HSD17B12: variants seen among roughly 807,000 people sequenced by gnomAD.
HSD17B12 encodes the protein very-long-chain 3-oxoacyl-CoA reductase.
In HSD17B12, 32 loss-of-function variants were observed where a neutral mutation model predicts 39.3. The ratio of observed to expected loss-of-function variants is 0.81; its 90% CI spans 0.61 to 1.09. The LOEUF is 1.09. Ranked by LOEUF, HSD17B12 falls within the 50% of genes least tolerant of loss-of-function variation. HSD17B12 has a pLI of 0.00. For synonymous variants in HSD17B12, 150 were observed against 146.7 expected, an observed-to-expected ratio of 1.02 and a Z score of -0.16; for missense variants, 342 against 382.9, an observed-to-expected ratio of 0.89 and a Z score of 0.89.
chr11:43,810,996 G>C (rs1342834527), intron 4 of HSD17B12, among the ~76,000 whole-genome samples: 2 of 152,088 alleles, frequency 1.3e-5, no homozygotes, highest in Non-Finnish European at 2.9e-5. Context: ...ATCCTATAAT[G>C]AATCCTGTAA....
chr11:43,768,726 A>G (rs1950620778), intron 3 of HSD17B12, among the ~76,000 whole-genome samples: 1 of 152,198 alleles, frequency 6.6e-6, no homozygotes, highest in African/African-American at 2.4e-5. Flanking sequence ...TGAAGAGTCA[A>G]AGAACAAACA....
At chr11:43,581,266 G>A in the HSD17B12 span, 9 of 456,538 alleles carry the variant, frequency 2.0e-5, no homozygotes, top group East Asian at 2.1e-4. This position sits in a 1 kb window ranked among gnomAD's most constrained non-coding sequence, Gnocchi z 4.9. Context: ...GCGGAGGGGC[G>A]GGCAGCGCGC....
chr11:43,703,257 G>C (rs1200415608), intron 1 of HSD17B12, among the ~76,000 whole-genome samples: 1 of 151,834 alleles, frequency 6.6e-6, no homozygotes, highest in Non-Finnish European at 1.5e-5. Flanking sequence ...TGCAGTGGCG[G>C]GATCTTGGCT....
intron 3 of HSD17B12, among the ~76,000 whole-genome samples, chr11:43,796,221 G>A (rs146599164): frequency 1.1e-3 from 161 of 152,224 alleles, no homozygotes; most frequent in Non-Finnish European, 2.0e-3. Flanking sequence ...GAAATCTCTG[G>A]AGGTTTGTGA....
chr11:43,804,704 C>G (rs779787856), intron 4 of HSD17B12, among the ~76,000 whole-genome samples: 1 of 152,042 alleles, frequency 6.6e-6, no homozygotes, highest in African/African-American at 2.4e-5. Flanking sequence ...CTCCCGAAAA[C>G]CTAGTGTTTC....
chr11:43,746,230 C>G (rs1168223398), intron 1 of HSD17B12, among the ~76,000 whole-genome samples: 2 of 152,014 alleles, frequency 1.3e-5, no homozygotes, highest in Non-Finnish European at 2.9e-5. Flanking sequence ...TTACTGTAAC[C>G]CTTTTACTTT....
chr11:43,849,502 G>A (rs1024937603), intron 9 of HSD17B12, among the ~76,000 whole-genome samples: 1 of 152,058 alleles, frequency 6.6e-6, no homozygotes, highest in Non-Finnish European at 1.5e-5. Flanking sequence ...AACACTTTGA[G>A]GATGCCTTCA....
chr11:43,759,483 T>C (rs1324788078), intron 3 of HSD17B12, among the ~76,000 whole-genome samples: 1 of 152,188 alleles, frequency 6.6e-6, no homozygotes, highest in African/African-American at 2.4e-5. Flanking sequence ...TGTAATAAGC[T>C]TATTTTATTA....
At position 43,750,933 on chromosome 11, in the gene HSD17B12, A is replaced by G; in HGVS notation, c.183A>G (p.Gly61=). Residue 61 remains glycine, a synonymous_variant, in exon 2 of 11, where the codon GGA becomes GGG. Coordinates refer to ENST00000278353, the MANE Select transcript of HSD17B12 (RefSeq NM_016142.3). ...CAGTTGTCACAGGTAGTACTGATGGAATTGGAAAATCATATGCAGAAGAGG... is the reference window on the plus strand; with the variant it reads ...CAGTTGTCACAGGTAGTACTGATGGGATTGGAAAATCATATGCAGAAGAGG... ...EWAVVTGSTD[G]IGKSYAEELA... 1.2e-6 allele frequency: 2 copies of G among 1,604,256 alleles called. No homozygotes were observed. Among genetic ancestry groups the G allele is most frequent in the Non-Finnish European group, 1.7e-6 (2 of 1,173,736 alleles).
chr11:43,559,345 G>C, the HSD17B12 span, among the ~76,000 whole-genome samples: 1 of 152,128 alleles, frequency 6.6e-6, no homozygotes. Context: ...GTCTTCTAGG[G>C]ACCAAGTTCC....
At chr11:43,833,964 G>A (rs553807120) in intron 7 of HSD17B12, 10 of 152,322 alleles carry the variant, frequency 6.6e-5, no homozygotes, top group African/African-American at 2.2e-4. Flanking sequence ...GAGCCAGGAG[G>A]TGGTTGCCAT....
intron 1 of HSD17B12, among the ~76,000 whole-genome samples, chr11:43,744,663 G>A (rs1207484687): frequency 1.3e-5 from 2 of 152,190 alleles, no homozygotes; most frequent in Non-Finnish European, 2.9e-5. Flanking sequence ...AGGACATTCA[G>A]TAACAAGTAA....
At chr11:43,636,801 G>A in the HSD17B12 span, among the ~76,000 whole-genome samples, 1 of 151,968 alleles carries the variant, frequency 6.6e-6, no homozygotes, top group African/African-American at 2.4e-5. Context: ...ATCATGCTTT[G>A]AAGATATTCG....
chr11:43,670,754 G>C, the HSD17B12 span, among the ~76,000 whole-genome samples: 1 of 151,988 alleles, frequency 6.6e-6, no homozygotes, highest in East Asian at 1.9e-4. Context: ...GTGTGGTGCT[G>C]TGTGCCTGTA....
chr11:43,600,213 G>T, the HSD17B12 span, among the ~76,000 whole-genome samples: 1 of 151,734 alleles, frequency 6.6e-6, no homozygotes, highest in South Asian at 2.1e-4. Flanking sequence ...TATAGCTATT[G>T]TCTAGCATTC....
At chr11:43,741,209 G>GT (rs1185952720) in intron 1 of HSD17B12, among the ~76,000 whole-genome samples, 3 of 152,238 alleles carry the variant, frequency 2.0e-5, no homozygotes, top group South Asian at 4.1e-4. Context: ...ACATTCATAT[G>GT]TTTTTTACAC....
At chr11:43,639,816 A>T in the HSD17B12 span, among the ~76,000 whole-genome samples, 1 of 152,204 alleles carries the variant, frequency 6.6e-6, no homozygotes, top group Admixed American at 6.5e-5. Context: ...TCTGAGCAAG[A>T]TACTTTTCGT....
rs563409070 is a variant in HSD17B12, at chr11:43,753,557, TAAA to T, written c.208-475_208-473del. 2.1e-3 allele frequency among the ~76,000 whole-genome samples: 291 copies of T among 138,796 alleles called. 2 individuals are homozygous for T. The East Asian group carries it at 0.027, about 13-fold the overall frequency. 91.1% of individuals were successfully genotyped at this position (138,796 alleles called of 152,430 possible). A position where few individuals can be genotyped will look rare whatever the true frequency, so the allele number is the denominator to read the frequency against. ...GCATGTGCCACCACACCCAGATAAT[TAAA>T]AAAAAAAAAAAAATTTTTTTTTTTT... On this transcript the variant is annotated intron_variant, in intron 2 of 10. Transcript: ENST00000278353.
At chr11:43,615,932 A>G in the HSD17B12 span, among the ~76,000 whole-genome samples, 15 of 152,342 alleles carry the variant, frequency 9.8e-5, no homozygotes, top group Middle Eastern at 3.4e-3. Flanking sequence ...TTTGTAATTC[A>G]AAGTGTTGCT....
Sources: gnomAD v4.1 joint callset for allele counts (sites outside exome capture counted in the v4.1 genomes callset) on GRCh38, gnomAD v4.1.1 for gene constraint, Gnocchi (gnomAD v3.1) non-coding constraint, MANE v1.5 for transcripts, NCBI Gene and HGNC (gene_info 2026-07-23, HGNC 2026-07-21) for gene names.